Variants in FAM20C observed in about 807,000 individuals in gnomAD.
FAM20C encodes extracellular serine/threonine protein kinase FAM20C.
Under a neutral mutation model 51.5 loss-of-function variants are expected in FAM20C, and 40 were observed. The observed-to-expected ratio is 0.78, with a 90% CI of 0.60 to 1.01. FAM20C has a LOEUF of 1.01. FAM20C is among the 50% of genes least tolerant of loss of function. FAM20C has a pLI of 0.00. For missense variants in FAM20C, 861 were observed against 844.7 expected, an observed-to-expected ratio of 1.02 and a Z score of -0.24; for synonymous variants, 406 against 380.6, an observed-to-expected ratio of 1.07 and a Z score of -0.78.
rs139134353 is a variant in FAM20C at position 258,891 on chromosome 7, C to T, written c.1505+186C>T. Among the ~76,000 whole-genome samples, 974 of 152,290 alleles carry T rather than the reference C, an allele frequency of 6.4e-3. 9 individuals are homozygous for T. The highest frequency in any genetic ancestry group is 0.022 in the African/African-American group (928 of 41,546). ...GCGGCCTGGAGGCGCAGACCTCACC[C>T]GCCCACCACCCCAGGCCCATCCAGC... On this transcript the variant is annotated intron_variant, in intron 9 of 9. Transcript: ENST00000313766.
intron 3 of FAM20C, among the ~76,000 whole-genome samples, chr7:237,509 G>A (rs1787881491): frequency 6.6e-6 from 1 of 152,104 alleles, no homozygotes; most frequent in African/African-American, 2.4e-5. Flanking sequence ...AATGGTGATG[G>A]TGATGATGAT....
chr7:219,538 C>T lies in FAM20C; in HGVS notation c.863+10562C>T, dbSNP rs867275592. On this transcript the variant is annotated intron_variant, in intron 3 of 9. Coordinates refer to ENST00000313766, the MANE Select transcript of FAM20C (RefSeq NM_020223.4). ...TTGGCTTCGAATCCGGTACCTGAAG[C>T]AGCAGGAGGTGCCTCGGCTGTGGCT... Among the ~76,000 whole-genome samples, 23 of 152,286 alleles carry T rather than the reference C, an allele frequency of 1.5e-4. 1 individual carries two copies. Among genetic ancestry groups the T allele is most frequent in the Middle Eastern group, 3.4e-3 (1 of 294 alleles).
intron 3 of FAM20C, among the ~76,000 whole-genome samples, chr7:245,092 G>A (rs1363658183): frequency 6.6e-6 from 1 of 152,246 alleles, no homozygotes; most frequent in East Asian, 1.9e-4. Context: ...TCGGCCCGTG[G>A]CAGGGCCAGG....
chr7:222,340 G>A (rs1247533852), intron 3 of FAM20C, among the ~76,000 whole-genome samples: 1 of 152,168 alleles, frequency 6.6e-6, no homozygotes, highest in African/African-American at 2.4e-5. Flanking sequence ...GTCCAGAGGA[G>A]CCCAGTGCTG....
At chr7:227,634 A>G (rs1208978625) in intron 3 of FAM20C, 2 of 152,140 alleles carry the variant, frequency 1.3e-5, no homozygotes, top group African/African-American at 4.8e-5. Flanking sequence ...AGATGTCTGC[A>G]CCTGTGTTTT....
At chr7:229,772 A>G (rs565129081) in intron 3 of FAM20C, among the ~76,000 whole-genome samples, 67 of 152,282 alleles carry the variant, frequency 4.4e-4, no homozygotes, top group African/African-American at 1.5e-3. Context: ...AGCTTAATAT[A>G]TCTCGCTAAT....
Position 220,304 on chromosome 7 carries a change from C to T in FAM20C, c.863+11328C>T, listed in dbSNP as rs374154382. On this transcript the variant is annotated intron_variant, in intron 3 of 9. Transcript: ENST00000313766. ...GAGGCCAAGTCCATTCTCCTCTCAC[C>T]CCTGCCCTGCCCAGCAGAGTCGCTG... Among the ~76,000 whole-genome samples, 9 of 152,288 alleles carry T rather than the reference C, an allele frequency of 5.9e-5. No homozygotes were observed. In the East Asian group the frequency reaches 1.5e-3, roughly 26 times the overall value.
intron 3 of FAM20C, among the ~76,000 whole-genome samples, chr7:218,556 G>C (rs1787108958): frequency 6.6e-6 from 1 of 152,196 alleles, no homozygotes; most frequent in South Asian, 2.1e-4. Context: ...CAGGGTCTGA[G>C]TGACAAGTGT....
intron 3 of FAM20C, among the ~76,000 whole-genome samples, chr7:214,514 C>G (rs1786872065): frequency 6.6e-6 from 1 of 152,200 alleles, no homozygotes; most frequent in Admixed American, 6.5e-5. Flanking sequence ...GAGGCGGTAC[C>G]TGCACTTGGC....
chr7:224,477 ATGG>A (rs1299199727), intron 3 of FAM20C, among the ~76,000 whole-genome samples: 2 of 8,118 alleles, frequency 2.5e-4, no homozygotes, highest in Non-Finnish European at 5.2e-4. Context: ...ATTGCGCAGA[ATGG>A]CACCGTCACG....
At chr7:218,383 G>A (rs1025265548) in intron 3 of FAM20C, among the ~76,000 whole-genome samples, 5 of 152,222 alleles carry the variant, frequency 3.3e-5, no homozygotes, top group Non-Finnish European at 5.9e-5. Flanking sequence ...CCAGTGCCGC[G>A]CTGCGTGCTG....
At chr7:214,871 G>A (rs983731230) in intron 3 of FAM20C, among the ~76,000 whole-genome samples, 1 of 152,164 alleles carries the variant, frequency 6.6e-6, no homozygotes, top group African/African-American at 2.4e-5. Context: ...CATGACACTG[G>A]CTGTGACCAC....
At chr7:233,678 G>A (rs2115123780) in intron 3 of FAM20C, among the ~76,000 whole-genome samples, 1 of 152,272 alleles carries the variant, frequency 6.6e-6, no homozygotes, top group African/African-American at 2.4e-5. Context: ...CCCTCTTGCA[G>A]GGACGCTGTG....
intron 3 of FAM20C, among the ~76,000 whole-genome samples, chr7:210,232 C>T (rs1786647365): frequency 6.6e-6 from 1 of 151,794 alleles, no homozygotes; most frequent in African/African-American, 2.4e-5. Flanking sequence ...TGCGGGGGGC[C>T]TGAGATCACA....
At chr7:257,642 G>T (rs1356021312) in intron 8 of FAM20C, among the ~76,000 whole-genome samples, 3 of 152,204 alleles carry the variant, frequency 2.0e-5, no homozygotes, top group African/African-American at 7.2e-5. Context: ...GTGGGCTGAC[G>T]CTCCCTGGAG....
chr7:196,922 G>C (rs2115042496), intron 2 of FAM20C, among the ~76,000 whole-genome samples: 1 of 152,260 alleles, frequency 6.6e-6, no homozygotes, highest in Admixed American at 6.5e-5. Context: ...ATGCTGCCTG[G>C]GAGTAACCTG....
At chr7:208,872 C>G in intron 2 of FAM20C, 26 bp from the exon 3 acceptor site, 2 of 1,554,520 alleles carry the variant, frequency 1.3e-6, no homozygotes, top group Non-Finnish European at 1.7e-6. Flanking sequence ...AGAGAGTGAC[C>G]CTGTTTCTCT....
intron 3 of FAM20C, among the ~76,000 whole-genome samples, chr7:229,771 T>TA (rs1289709494): frequency 6.6e-6 from 1 of 152,166 alleles, no homozygotes; most frequent in Non-Finnish European, 1.5e-5. Context: ...CAGCTTAATA[T>TA]ATCTCGCTAA....
intron 1 of FAM20C, chr7:195,323 A>G: frequency 2.3e-6 from 1 of 438,060 alleles, no homozygotes; most frequent in Non-Finnish European, 4.0e-6. Flanking sequence ...TGGTGTCTCC[A>G]GAGGGTGAGT....
Sources: allele counts gnomAD v4.1 joint callset (sites outside exome capture counted in the v4.1 genomes callset), GRCh38; gene constraint gnomAD v4.1.1; transcripts MANE v1.5; gene names NCBI Gene and HGNC (gene_info 2026-07-23, HGNC 2026-07-21).